The following ZNRF1 variants were observed in gnomAD, a reference collection of about 807,000 sequenced individuals.
ZNRF1 encodes the protein zinc and ring finger 1.
ZNRF1 carries 3 observed loss-of-function variants against 18.4 expected under a neutral mutation model. That is an observed-to-expected ratio of 0.16 (90% CI 0.07 to 0.42). The LOEUF (loss-of-function observed/expected upper bound fraction) is 0.42, where lower values mean the gene tolerates loss of function less well. Among genes scored for constraint, ZNRF1 ranks in the 10% least tolerant of loss-of-function variants. ZNRF1 has a pLI of 0.99. For synonymous variants in ZNRF1, 157 were observed against 144.2 expected (o/e 1.09, Z -0.64); for missense variants, 310 against 329.8 (o/e 0.94, Z 0.47).
At chr16:75,067,140 C>T (rs557689056) in intron 1 of ZNRF1, among the ~76,000 whole-genome samples, 1 of 152,196 alleles carries the variant, frequency 6.6e-6, no homozygotes, top group African/African-American at 2.4e-5. Context: ...TTTATGTGTA[C>T]ATTTTCCATG....
At chr16:75,033,072 T>C (rs1306869835) in intron 1 of ZNRF1, among the ~76,000 whole-genome samples, 2 of 152,164 alleles carry the variant, frequency 1.3e-5, no homozygotes, top group African/African-American at 2.4e-5. Context: ...TTCTGGACTT[T>C]ATTCTGTTTT....
chr16:75,050,252 G>T (rs1473934541), intron 1 of ZNRF1, among the ~76,000 whole-genome samples: 1 of 152,134 alleles, frequency 6.6e-6, no homozygotes. Context: ...GTGCCCAGAT[G>T]CAGTGGCTCA....
intron 1 of ZNRF1, among the ~76,000 whole-genome samples, chr16:75,051,911 CAAAGT>C (rs746471687): frequency 1.3e-5 from 2 of 152,206 alleles, no homozygotes; most frequent in Non-Finnish European, 2.9e-5. Context: ...GTACACATTT[CAAAGT>C]AAACTATAGA....
intron 1 of ZNRF1, among the ~76,000 whole-genome samples, chr16:75,091,040 C>T (rs975410176): frequency 9.9e-5 from 15 of 152,050 alleles, no homozygotes; most frequent in Non-Finnish European, 1.9e-4. Context: ...CGTGAGACAC[C>T]GCACCCAGCC....
At chr16:75,071,419 A>G (rs762199701) in intron 1 of ZNRF1, among the ~76,000 whole-genome samples, 3 of 151,982 alleles carry the variant, frequency 2.0e-5, no homozygotes, top group Non-Finnish European at 4.4e-5. Context: ...TCATTCCCTC[A>G]CGTGTCTGGT....
intron 2 of ZNRF1, among the ~76,000 whole-genome samples, chr16:75,102,859 C>T (rs536165870): frequency 2.6e-5 from 4 of 152,324 alleles, no homozygotes; most frequent in Admixed American, 2.0e-4. Flanking sequence ...CTGTGTGTCC[C>T]GCTGCCCTCA....
At chr16:75,088,162 A>G (rs1464835541) in intron 1 of ZNRF1, among the ~76,000 whole-genome samples, 1 of 152,242 alleles carries the variant, frequency 6.6e-6, no homozygotes, top group Non-Finnish European at 1.5e-5. Context: ...TAGTTCATAA[A>G]TATCACAGGA....
At chr16:75,096,033 A>G (rs567064483) in intron 2 of ZNRF1, among the ~76,000 whole-genome samples, 4 of 143,120 alleles carry the variant, frequency 2.8e-5, no homozygotes, top group East Asian at 4.0e-4. Context: ...CACCTCCTCA[A>G]GGGTGCATGT....
intron 1 of ZNRF1, among the ~76,000 whole-genome samples, chr16:75,055,297 G>A (rs887724960): frequency 3.3e-5 from 5 of 152,190 alleles, no homozygotes; most frequent in South Asian, 4.1e-4. Context: ...TTTTTGAGGC[G>A]GAGTCTCGCT....
intron 2 of ZNRF1, among the ~76,000 whole-genome samples, chr16:75,094,062 C>T (rs912162585): frequency 2.6e-5 from 4 of 152,196 alleles, no homozygotes; most frequent in Admixed American, 1.3e-4. Flanking sequence ...GAGCAAGCAC[C>T]CGCCCTCCTT....
chr16:75,031,919 A>C (rs9923548), intron 1 of ZNRF1, among the ~76,000 whole-genome samples: 45,863 of 151,918 alleles, frequency 0.3, 8,278 homozygotes, highest in East Asian at 0.62. Flanking sequence ...GAATTGCCAG[A>C]CTGTTTTCCA....
At chr16:75,087,735 G>T (rs1357593635) in intron 1 of ZNRF1, among the ~76,000 whole-genome samples, 1 of 152,244 alleles carries the variant, frequency 6.6e-6, no homozygotes, top group Non-Finnish European at 1.5e-5. Context: ...TACGTTCCCT[G>T]CCTCTGCCTC....
chr16:75,025,304 G>A (rs1031008093), intron 1 of ZNRF1, among the ~76,000 whole-genome samples: 4 of 152,088 alleles, frequency 2.6e-5, no homozygotes, highest in Admixed American at 2.0e-4. Context: ...TCCTGACCTT[G>A]TGATCCGCCC....
chr16:75,102,786 C>G (rs1026045614), intron 2 of ZNRF1, among the ~76,000 whole-genome samples: 1 of 152,224 alleles, frequency 6.6e-6, no homozygotes, highest in South Asian at 2.1e-4. Context: ...CCACCCAACT[C>G]AGAATCCGTC....
At chr16:75,067,086 T>A (rs1399037221) in intron 1 of ZNRF1, among the ~76,000 whole-genome samples, 1 of 152,174 alleles carries the variant, frequency 6.6e-6, no homozygotes, top group East Asian at 1.9e-4. Context: ...CTGGGAAGAC[T>A]CAAGCAGTTT....
intron 4 of ZNRF1, chr16:75,106,935 A>C (rs908532214): frequency 1.7e-4 from 38 of 224,254 alleles, no homozygotes; most frequent in African/African-American, 7.8e-4. Context: ...ATCCTCGCTC[A>C]CCTCTGAGTC....
chr16:75,000,265 C>T, intron 1 of ZNRF1, 170 bp downstream of exon 1: 1 of 1,042,544 alleles, frequency 9.6e-7, no homozygotes, highest in Non-Finnish European at 1.4e-6. Flanking sequence ...GGAAACTAGG[C>T]TTTCTGCGAG....
chr16:75,099,056 C>G (rs889091027), intron 2 of ZNRF1, among the ~76,000 whole-genome samples: 1 of 152,158 alleles, frequency 6.6e-6, no homozygotes. Context: ...GGGGGAGATG[C>G]AAAGTGCCTG....
At chr16:75,062,778 A>AG (rs963065638) in intron 1 of ZNRF1, among the ~76,000 whole-genome samples, 1 of 152,220 alleles carries the variant, frequency 6.6e-6, no homozygotes, top group Non-Finnish European at 1.5e-5. Context: ...AGGAGGAACG[A>AG]GGAGGAATCT....
Sources: gnomAD v4.1 joint callset for allele counts (sites outside exome capture counted in the v4.1 genomes callset) on GRCh38, gnomAD v4.1.1 for gene constraint, MANE v1.5 for transcripts, NCBI Gene and HGNC (gene_info 2026-07-23, HGNC 2026-07-21) for gene names.